The following DNAH3 variants were observed in gnomAD, a reference collection of about 807,000 sequenced individuals.
DNAH3 encodes dynein axonemal heavy chain 3.
A neutral mutation model predicts 432.5 loss-of-function variants in DNAH3; 332 were observed. The observed-to-expected ratio is 0.77, with a 90% confidence interval of 0.70 to 0.84. DNAH3 has a LOEUF of 0.84. DNAH3 is among the 40% of genes least tolerant of loss of function. The pLI, the probability that DNAH3 is intolerant of heterozygous loss-of-function variation, is 0.00. For missense variants in DNAH3, 4,861 were observed against 5,114.0 expected (o/e 0.95, Z 1.51); for synonymous variants, 1,956 against 1,900.2 (o/e 1.03, Z -0.76).
At chr16:21,142,077 AT>A (rs1230495966) in intron 3 of DNAH3, among the ~76,000 whole-genome samples, 3 of 150,222 alleles carry the variant, frequency 2.0e-5, no homozygotes, top group Non-Finnish European at 4.4e-5. Flanking sequence ...AAAATAAAAA[AT>A]AAAATAGGCC....
intron 49 of DNAH3, among the ~76,000 whole-genome samples, chr16:20,980,338 TTTA>T (rs2085837319): frequency 1.8e-5 from 2 of 110,704 alleles, no homozygotes; most frequent in African/African-American, 2.9e-5. Flanking sequence ...TATATTATAT[TTTA>T]TTATATTTAT....
Position 20,964,956 on chromosome 16 carries a change from TCCCCCAAGAC to T in DNAH3, c.8918_8927del (p.Gly2973GlufsTer20). ...CAGCTTCGGTCCATCTGTCCTTCTC[TCCCCCAAGAC>T]CACTGATCAGTTTCTCTGCCCTGAC... On this transcript the variant is annotated frameshift_variant, in exon 53 of 62. Transcript: ENST00000261383. LOFTEE classifies it high-confidence loss of function. The T allele has an allele frequency of 6.2e-7, 1 of 1,614,082 alleles. No individual in the cohort carries two copies. The highest frequency in any genetic ancestry group is 1.3e-5 in the African/African-American group (1 of 75,012).
intron 19 of DNAH3, among the ~76,000 whole-genome samples, chr16:21,083,147 T>C: frequency 6.6e-6 from 1 of 151,754 alleles, no homozygotes; most frequent in East Asian, 2.0e-4. Context: ...TCCCAAGTAG[T>C]TGGGATTACA....
chr16:21,063,662 C>T (rs2090444703), intron 24 of DNAH3, among the ~76,000 whole-genome samples: 1 of 151,988 alleles, frequency 6.6e-6, no homozygotes, highest in African/African-American at 2.4e-5. Flanking sequence ...CCCACCTCAG[C>T]CTCCCGAGTA....
At chr16:20,968,675 CCT>C (rs565029640) in intron 52 of DNAH3, among the ~76,000 whole-genome samples, 192 of 149,868 alleles carry the variant, frequency 1.3e-3, no homozygotes, top group Admixed American at 2.2e-3. Context: ...TTCATCTGTC[CCT>C]CTCTCTCTCT....
At chr16:21,155,482 C>T (rs1048977669) in intron 1 of DNAH3, among the ~76,000 whole-genome samples, 1 of 151,568 alleles carries the variant, frequency 6.6e-6, no homozygotes, top group Non-Finnish European at 1.5e-5. Context: ...ATTAGCTGGG[C>T]GTGGCGGCAC....
chr16:21,140,767 G>A, intron 4 of DNAH3, 57 bp from the exon 6 acceptor site: 4 of 1,552,514 alleles, frequency 2.6e-6, no homozygotes, highest in Non-Finnish European at 8.8e-7. Flanking sequence ...AGGTGCTGTG[G>A]TGTTGCCTAC....
intron 1 of DNAH3, among the ~76,000 whole-genome samples, chr16:21,156,358 T>G (rs1035032020): frequency 6.6e-6 from 1 of 152,070 alleles, no homozygotes; most frequent in East Asian, 1.9e-4. Flanking sequence ...CAGCCTCCCA[T>G]GTAGCTGGGA....
At chr16:20,951,558 C>A (rs922217476) in intron 56 of DNAH3, among the ~76,000 whole-genome samples, 1 of 151,646 alleles carries the variant, frequency 6.6e-6, no homozygotes. Context: ...ATCCTCCCAC[C>A]TTAGTCCCCT....
intron 25 of DNAH3, among the ~76,000 whole-genome samples, chr16:21,061,453 A>G: frequency 6.8e-6 from 1 of 146,778 alleles, no homozygotes; most frequent in Admixed American, 6.8e-5. Flanking sequence ...CAAACTCCTG[A>G]CCTTAGGTGA....
intron 19 of DNAH3, among the ~76,000 whole-genome samples, chr16:21,085,039 G>A (rs914096484): frequency 1.3e-5 from 2 of 150,894 alleles, no homozygotes; most frequent in Non-Finnish European, 1.5e-5. Context: ...AGCACCAGCT[G>A]ACAGCAACTC....
intron 54 of DNAH3, among the ~76,000 whole-genome samples, chr16:20,955,872 G>A (rs1446381639): frequency 6.6e-6 from 1 of 151,734 alleles, no homozygotes; most frequent in African/African-American, 2.4e-5. Flanking sequence ...TTAACATCTT[G>A]GCACATTGCA....
chr16:20,969,930 G>T lies in DNAH3; in HGVS notation c.8320C>A (p.Leu2774Met), dbSNP rs1478855369. The T allele has an allele frequency of 3.1e-6, 5 of 1,614,052 alleles. No individual in the cohort carries two copies. The South Asian group carries it at 5.5e-5, about 18-fold the overall frequency. The stretch of plus-strand genomic sequence containing the variant: ...ATGTCGGCCGGGTTCAGGGTGTCCA[G>T]AGCAGCTAGTGCAGCCTCGAGTGCA... The change falls in exon 52 of 62, where the codon CTG becomes ATG. Residue 2774 changes from leucine to methionine, a missense_variant. Leu to Met is a conservative substitution (Grantham distance 15). Coordinates refer to ENST00000261383, the Ensembl canonical transcript of DNAH3.
intron 1 of DNAH3, among the ~76,000 whole-genome samples, chr16:21,146,627 G>A (rs917060489): frequency 4.6e-5 from 7 of 152,126 alleles, no homozygotes; most frequent in African/African-American, 9.7e-5. Context: ...CTCTCATAGC[G>A]TTGTTCAAGA....
intron 51 of DNAH3, among the ~76,000 whole-genome samples, chr16:20,972,739 A>ATTTTTTTTTTTTTTTTTTTTTT (rs34245316): frequency 3.1e-5 from 3 of 95,976 alleles, no homozygotes; most frequent in African/African-American, 4.6e-5. Flanking sequence ...ATGCCCCGTG[A>ATTTTTTTTTTTTTTTTTTTTTT]TTTTTTTTTT....
chr16:21,046,631 T>C (rs2089710442), intron 31 of DNAH3, among the ~76,000 whole-genome samples: 1 of 152,198 alleles, frequency 6.6e-6, no homozygotes, highest in Non-Finnish European at 1.5e-5. Context: ...CTTTATCCAA[T>C]TTTCCAGTCT....
intron 23 of DNAH3, among the ~76,000 whole-genome samples, chr16:21,067,770 G>GGGGA (rs2090613992): frequency 2.4e-4 from 5 of 20,590 alleles, no homozygotes; most frequent in Non-Finnish European, 3.7e-4. Flanking sequence ...GGGGGGGGGT[G>GGGGA]GGGAGGGAGA....
At position 21,127,486 on chromosome 16, in the gene DNAH3, G is replaced by A. The variant is rs571260967; in HGVS notation, c.1208+201C>T. 1.2e-4 allele frequency among the ~76,000 whole-genome samples: 19 copies of A among 152,012 alleles called. No individual in the cohort carries two copies. In the South Asian group the frequency reaches 2.1e-3, roughly 17 times the overall value. ...TGAGGCAGGATAATCGCTTGAACCC[G>A]GGAGGCAGAAGTTGCAGTGAGCTGA... On this transcript the variant is annotated intron_variant, in intron 8 of 61. Transcript: ENST00000261383.
intron 45 of DNAH3, 28 bp downstream of exon 45, chr16:20,987,914 T>C (rs2086285460): frequency 6.2e-7 from 1 of 1,614,130 alleles, no homozygotes. Context: ...CCCAGCCCAC[T>C]ATCCAGGAAG....
Sources: gnomAD v4.1 joint callset for allele counts (sites outside exome capture counted in the v4.1 genomes callset) on GRCh38, gnomAD v4.1.1 for gene constraint, MANE v1.5 for transcripts, NCBI Gene and HGNC (gene_info 2026-07-23, HGNC 2026-07-21) for gene names.